SLC25A46: variants seen among roughly 807,000 people sequenced by gnomAD.
The protein encoded by SLC25A46 is solute carrier family 25 member 46.
In SLC25A46, 39 loss-of-function variants were observed where a neutral mutation model predicts 44.6. The observed-to-expected ratio is 0.87, with a 90% CI of 0.68 to 1.14. The LOEUF is 1.14. Ranked by LOEUF, SLC25A46 falls within the 50% of genes most tolerant of loss-of-function variation. The probability of loss-of-function intolerance (pLI) is 0.00; values close to 1 mark genes in which losing one functional copy is unlikely to be tolerated. For synonymous variants in SLC25A46, 202 were observed against 185.8 expected (o/e 1.09, Z -0.71); for missense variants, 547 against 522.7 (o/e 1.05, Z -0.45).
At chr5:110,748,466 C>T (rs914754793) in intron 5 of SLC25A46, among the ~76,000 whole-genome samples, 1 of 151,974 alleles carries the variant, frequency 6.6e-6, no homozygotes, top group Non-Finnish European at 1.5e-5. Context: ...CCATCCCTCC[C>T]CTATTATATT....
At chr5:110,738,442 G>GT (rs1319482007), upstream of SLC25A46, among the ~76,000 whole-genome samples, 1 of 152,116 alleles carries the variant, frequency 6.6e-6, no homozygotes, top group Non-Finnish European at 1.5e-5. Context: ...CAGTATTCGA[G>GT]TACGTGGGTT....
chr5:110,761,881 A>G lies in SLC25A46; in HGVS notation c.*99A>G. 2 of 1,026,262 alleles carry G rather than the reference A, an allele frequency of 1.9e-6. No homozygotes were observed. The highest frequency in any genetic ancestry group is 5.2e-5 in the East Asian group (2 of 38,256). 63.6% of individuals were successfully genotyped at this position (1,026,262 alleles called of 1,614,324 possible). A position where few individuals can be genotyped will look rare whatever the true frequency, so the allele number is the denominator to read the frequency against. The stretch of plus-strand genomic sequence containing the variant: ...AGTGAAATACTGGGGAAGAAAATGG[A>G]TTGGAAAGTAAAATTGGTACTAAAG... On this transcript the variant is annotated 3_prime_UTR_variant, in exon 8 of 8. Coordinates refer to ENST00000355943, the MANE Select transcript of SLC25A46 (RefSeq NM_138773.4). This position sits in a 1 kb window ranked among gnomAD's most constrained non-coding sequence, Gnocchi z 5.3.
At chr5:110,738,345 G>A (rs1157898877), upstream of SLC25A46, 3 of 871,512 alleles carry the variant, frequency 3.4e-6, no homozygotes, top group Admixed American at 4.7e-5. Flanking sequence ...GAGTGATTTA[G>A]ACACATCAGA....
In SLC25A46 at chr5:110,765,074, T is replaced by C. The variant is rs1329269254; in HGVS notation, c.*3292T>C. 1 of 151,852 alleles carries C rather than the reference T, an allele frequency of 6.6e-6. No homozygotes were observed. The highest frequency in any genetic ancestry group is 1.5e-5 in the Non-Finnish European group (1 of 67,908). 9.4% of individuals were successfully genotyped at this position (151,852 alleles called of 1,614,324 possible). A position where few individuals can be genotyped will look rare whatever the true frequency, so the allele number is the denominator to read the frequency against. Reference sequence around the variant, plus strand: ...AGATGTTTTGTCTGTATGACTTTTTTTTTTTTAAGTTTGTCTTACTGTTAC... The same window carrying C: ...AGATGTTTTGTCTGTATGACTTTTTCTTTTTTAAGTTTGTCTTACTGTTAC... On this transcript the variant is annotated 3_prime_UTR_variant, in exon 8 of 8. Coordinates refer to ENST00000355943, the MANE Select transcript of SLC25A46 (RefSeq NM_138773.4).
chr5:110,746,036 A>G (rs375510185), intron 3 of SLC25A46: 3 of 424,710 alleles, frequency 7.1e-6, no homozygotes, highest in Non-Finnish European at 8.3e-6. Context: ...TATAGTCTAC[A>G]GTACTGTGTG....
At chr5:110,751,177 A>G (rs778647057) in intron 5 of SLC25A46, among the ~76,000 whole-genome samples, 24 of 152,142 alleles carry the variant, frequency 1.6e-4, no homozygotes, top group Non-Finnish European at 3.1e-4. Context: ...TGTGCTAAAA[A>G]CCGGGTTTAC....
intron 4 of SLC25A46, among the ~76,000 whole-genome samples, chr5:110,747,227 T>C (rs1799844952): frequency 6.6e-6 from 1 of 152,184 alleles, no homozygotes; most frequent in Non-Finnish European, 1.5e-5. Context: ...ATCACTAGGG[T>C]ACCAGTGAAA....
intron 5 of SLC25A46, among the ~76,000 whole-genome samples, chr5:110,751,380 A>G (rs1799965829): frequency 2.0e-5 from 3 of 152,206 alleles, no homozygotes; most frequent in Admixed American, 2.0e-4. Context: ...CACTTAAGGT[A>G]GATCAGAGTG....
rs560666768 is a variant in SLC25A46, at chr5:110,743,590, G to A, written c.327-140G>A. On this transcript the variant is annotated intron_variant, in intron 2 of 7. Transcript: ENST00000355943. ...GCAAACATTTCTAGACATTTTTAAA[G>A]ATCTATTTAATTTGTTTAAGAATGG... 5 of 489,854 alleles carry A rather than the reference G, an allele frequency of 1.0e-5. No individual in the cohort carries two copies. In the South Asian group the frequency reaches 1.9e-4, roughly 18 times the overall value. 30.3% of individuals were successfully genotyped at this position (489,854 alleles called of 1,614,324 possible). A position where few individuals can be genotyped will look rare whatever the true frequency, so the allele number is the denominator to read the frequency against.
Position 110,761,388 on chromosome 5 carries a change from T to G in SLC25A46, c.863T>G (p.Leu288Arg). The G allele has an allele frequency of 6.2e-7, 1 of 1,613,780 alleles. No individual in the cohort carries two copies. The highest frequency in any genetic ancestry group is 8.5e-7 in the Non-Finnish European group (1 of 1,179,788). ...TCAGTTATTCAGAAGTTTGTCCTAC[T>G]AATTCTAAAGAGAAAGACTTACAAT... ...ISSVIQKFVL[L>R]ILKRKTYNSH... The change falls in exon 8 of 8, where the codon CTA (leucine) becomes CGA (arginine). Residue 288 changes from leucine to arginine, a missense_variant. Leu to Arg is a moderately radical substitution (Grantham distance 102). Coordinates refer to ENST00000355943, the MANE Select transcript of SLC25A46 (RefSeq NM_138773.4). This position sits in a 1 kb window ranked among gnomAD's most constrained non-coding sequence, Gnocchi z 5.3.
At chr5:110,751,884 G>A (rs986081922) in intron 5 of SLC25A46, among the ~76,000 whole-genome samples, 1 of 152,078 alleles carries the variant, frequency 6.6e-6, no homozygotes, top group Non-Finnish European at 1.5e-5. Flanking sequence ...AAATGAAGCT[G>A]TTTTTTTGAA....
At chr5:110,740,844 C>T (rs1001727736) in intron 1 of SLC25A46, among the ~76,000 whole-genome samples, 2 of 152,064 alleles carry the variant, frequency 1.3e-5, no homozygotes, top group Admixed American at 6.5e-5. Flanking sequence ...CCCAGCTACT[C>T]GGGAGGCTGA....
Position 110,761,270 on chromosome 5 carries a change from G to A in SLC25A46, c.745G>A (p.Gly249Ser). 6.2e-7 allele frequency: 1 copy of A among 1,613,590 alleles called. No homozygotes were observed. Among genetic ancestry groups the A allele is most frequent in the Non-Finnish European group, 8.5e-7 (1 of 1,179,712 alleles). The change falls in exon 8 of 8, where the codon GGC (glycine) becomes AGC (serine). Residue 249 changes from glycine to serine, a missense_variant. Gly to Ser is a moderately conservative substitution (Grantham distance 56, BLOSUM62 0). Coordinates refer to ENST00000355943, the MANE Select transcript of SLC25A46 (RefSeq NM_138773.4). The surrounding 1 kb of genome is among the most constrained non-coding windows in gnomAD (Gnocchi z 5.3). ...TAAAGAAGGAATTGGAAGAGTGATA[G>A]GCATGGGAGTGCCTCATAGCAAACG... ...CVKEGIGRVIGMGVPHSKRLL... is the reference protein window; with the variant it reads ...CVKEGIGRVISMGVPHSKRLL...
intron 5 of SLC25A46, among the ~76,000 whole-genome samples, chr5:110,749,199 CAAG>C (rs200228935): frequency 0.021 from 3,187 of 151,496 alleles, 35 homozygotes; most frequent in Admixed American, 0.024. Flanking sequence ...ATGGAGAATT[CAAG>C]AAGAAGAAAA....
rs201858314 is a variant in SLC25A46 at position 110,761,478 on chromosome 5, T to C, written c.953T>C (p.Ile318Thr). ...TTGGATGCTTATTTTCCAGAACTTA[T>C]TGCTAACTTTGCTGCCAGTCTTTGT... is the stretch of plus-strand genomic sequence containing the variant. The part of the protein sequence containing the change: ...SMLDAYFPEL[I>T]ANFAASLCSD... Residue 318 changes from isoleucine (I) to threonine (T), a missense_variant, in exon 8 of 8, where the codon ATT becomes ACT. By Grantham distance (89) the Ile-to-Thr change is moderately conservative. Transcript: ENST00000355943. The surrounding 1 kb of genome is among the most constrained non-coding windows in gnomAD (Gnocchi z 5.3). The C allele has an allele frequency of 1.2e-6, 2 of 1,613,820 alleles. No homozygotes were observed. The highest frequency in any genetic ancestry group is 2.2e-5 in the East Asian group (1 of 44,864).
intron 3 of SLC25A46, 147 bp downstream of exon 3, chr5:110,743,934 T>A: frequency 1.9e-6 from 1 of 515,396 alleles, no homozygotes; most frequent in Non-Finnish European, 3.4e-6. Flanking sequence ...TTTAAAGTCT[T>A]AAAAAAATAT....
rs1800322745 is a variant in SLC25A46, at chr5:110,763,882, A to T, written c.*2100A>T. ...GAATAATTTTTTACAACCACTCCAA[A>T]TTAGTTGAAACAAAATCTTGAACGG... is the stretch of plus-strand genomic sequence containing the variant. On this transcript the variant is annotated 3_prime_UTR_variant, in exon 8 of 8. Coordinates refer to ENST00000355943, the MANE Select transcript of SLC25A46 (RefSeq NM_138773.4). The T allele has an allele frequency of 6.6e-6, 1 of 151,900 alleles. No individual in the cohort carries two copies. Among genetic ancestry groups the T allele is most frequent in the Admixed American group, 6.6e-5 (1 of 15,196 alleles). 9.4% of individuals were successfully genotyped at this position (151,900 alleles called of 1,614,324 possible).
rs1182596670 is a variant in SLC25A46, at chr5:110,739,093, G to A, written c.-27G>A. 1.3e-6 allele frequency: 2 copies of A among 1,540,842 alleles called. No individual in the cohort carries two copies. Among genetic ancestry groups the A allele is most frequent in the African/African-American group, 1.4e-5 (1 of 72,954 alleles). On this transcript the variant is annotated 5_prime_UTR_variant, in exon 1 of 8. Coordinates refer to ENST00000355943, the MANE Select transcript of SLC25A46 (RefSeq NM_138773.4). ...CCCCGGTGGTGGTGGGCTCCGGGCGGGCTCGCGTCATCCTGCCCCCGCTGC... is the reference window on the plus strand; with the variant it reads ...CCCCGGTGGTGGTGGGCTCCGGGCGAGCTCGCGTCATCCTGCCCCCGCTGC...
At chr5:110,757,506 A>T (rs796429320) in intron 7 of SLC25A46, among the ~76,000 whole-genome samples, 15 of 150,874 alleles carry the variant, frequency 9.9e-5, no homozygotes, top group African/African-American at 3.7e-4. Context: ...CTCTGTAAAA[A>T]CTCGCACTGG....
Sources: allele counts gnomAD v4.1 joint callset (sites outside exome capture counted in the v4.1 genomes callset), GRCh38; gene constraint gnomAD v4.1.1; non-coding constraint Gnocchi (gnomAD v3.1); transcripts MANE v1.5; gene names NCBI Gene and HGNC (gene_info 2026-07-23, HGNC 2026-07-21).